The following VAPA variants were observed in gnomAD, a reference collection of about 807,000 sequenced individuals.
The protein encoded by VAPA is vesicle-associated membrane protein-associated protein A.
In VAPA, 6 loss-of-function variants were observed where a neutral mutation model predicts 25.6. The ratio of observed to expected loss-of-function variants is 0.23; its 90% confidence interval spans 0.13 to 0.46. The LOEUF (loss-of-function observed/expected upper bound fraction) is 0.46. Among genes scored for constraint, VAPA ranks in the 20% least tolerant of loss-of-function variants. The pLI is 0.99. For missense variants in VAPA, 244 were observed against 302.1 expected (o/e 0.81, Z 1.43); for synonymous variants, 112 against 106.2 (o/e 1.05, Z -0.34).
Position 9,959,076 on chromosome 18 carries a change from G to A in VAPA, c.*4865G>A, listed in dbSNP as rs940474520. 1.3e-5 allele frequency: 2 copies of A among 152,098 alleles called. No individual in the cohort carries two copies. Among genetic ancestry groups the A allele is most frequent in the African/African-American group, 4.8e-5 (2 of 41,418 alleles). 9.4% of individuals were successfully genotyped at this position (152,098 alleles called of 1,614,324 possible). A position where few individuals can be genotyped will look rare whatever the true frequency, so the allele number is the denominator to read the frequency against. On this transcript the variant is annotated 3_prime_UTR_variant, in exon 6 of 6. Coordinates refer to ENST00000400000, the MANE Select transcript of VAPA (RefSeq NM_194434.3). Reference sequence around the variant, plus strand: ...TGTGAAATACTTATCTCCATCCTATGGAATAGGGGAGACGGGTTTAGACAG... The same window carrying A: ...TGTGAAATACTTATCTCCATCCTATAGAATAGGGGAGACGGGTTTAGACAG...
At chr18:9,943,841 CTTTTTTTTTTTTTTTTTTTTT>C (rs71169911) in intron 4 of VAPA, among the ~76,000 whole-genome samples, 2 of 51,716 alleles carry the variant, frequency 3.9e-5, no homozygotes, top group Non-Finnish European at 7.5e-5. Context: ...ACATATTTCC[CTTTTTTTTTTTTTTTTTTTTT>C]TTTTTTTTTT....
At chr18:9,914,912 G>T (rs1481373094) in intron 1 of VAPA, 2 of 152,562 alleles carry the variant, frequency 1.3e-5, no homozygotes, top group Non-Finnish European at 2.9e-5. Context: ...GGGAGAGCTC[G>T]CTGCAGCCGG....
intron 4 of VAPA, among the ~76,000 whole-genome samples, chr18:9,941,435 A>G (rs1468494473): frequency 6.6e-6 from 1 of 152,188 alleles, no homozygotes; most frequent in South Asian, 2.1e-4. Context: ...TACAAAATAT[A>G]TAAGAAGTTT....
chr18:9,916,206 C>A (rs1306821957), intron 1 of VAPA, among the ~76,000 whole-genome samples: 2 of 152,152 alleles, frequency 1.3e-5, no homozygotes, highest in Non-Finnish European at 2.9e-5. Context: ...GTTTAAAAAA[C>A]AAGCAAAAGC....
In VAPA at chr18:9,958,987, A is replaced by G. The variant is rs1031010672; in HGVS notation, c.*4776A>G. On this transcript the variant is annotated 3_prime_UTR_variant, in exon 6 of 6. Coordinates refer to ENST00000400000, the MANE Select transcript of VAPA (RefSeq NM_194434.3). ...AAGCAAAAGGTGGTTTTCAAGTATAATGTCGTTTTCAACATGCTTATTACT... is the reference window on the plus strand; with the variant it reads ...AAGCAAAAGGTGGTTTTCAAGTATAGTGTCGTTTTCAACATGCTTATTACT... 2 of 152,210 alleles carry G rather than the reference A, an allele frequency of 1.3e-5. No homozygotes were observed. The highest frequency in any genetic ancestry group is 6.5e-5 in the Admixed American group (1 of 15,284). 9.4% of individuals were successfully genotyped at this position (152,210 alleles called of 1,614,324 possible). A position where few individuals can be genotyped will look rare whatever the true frequency, so the allele number is the denominator to read the frequency against.
chr18:9,943,356 A>G (rs539222678), intron 4 of VAPA, among the ~76,000 whole-genome samples: 1 of 152,174 alleles, frequency 6.6e-6, no homozygotes, highest in Admixed American at 6.5e-5. Context: ...AAAAGACTCA[A>G]TATTTTTTCC....
At chr18:9,931,743 T>C in intron 1 of VAPA, 67 bp from the exon 2 acceptor site, 1 of 1,392,556 alleles carries the variant, frequency 7.2e-7, no homozygotes, top group Non-Finnish European at 9.8e-7. Context: ...ATATTTTCAG[T>C]TTTGAATCCT....
chr18:9,945,241 C>G (rs958880154), intron 4 of VAPA, among the ~76,000 whole-genome samples: 11 of 150,382 alleles, frequency 7.3e-5, no homozygotes, highest in African/African-American at 2.7e-4. Flanking sequence ...CTATTCTGTT[C>G]TAAAAAACTT....
intron 2 of VAPA, among the ~76,000 whole-genome samples, chr18:9,932,981 G>A (rs990622867): frequency 6.6e-6 from 1 of 151,974 alleles, no homozygotes; most frequent in Non-Finnish European, 1.5e-5. Flanking sequence ...GGTGGTGGGC[G>A]CCTGTAGTCC....
chr18:9,946,827 A>T (rs78038122), intron 4 of VAPA, among the ~76,000 whole-genome samples: 9,118 of 152,256 alleles, frequency 0.06, 417 homozygotes, highest in African/African-American at 0.12. Flanking sequence ...AGCTGTCCGT[A>T]ACTTCATAAA....
chr18:9,944,895 CTGAGAATA>C, intron 4 of VAPA: 1 of 1,610,578 alleles, frequency 6.2e-7, no homozygotes, highest in Non-Finnish European at 8.5e-7. Context: ...CGGTGAGAAT[CTGAGAATA>C]TGTTTCCCAT....
Position 9,931,761 on chromosome 18 carries a change from T to G in VAPA, c.80-49T>G, listed in dbSNP as rs1023026571. 17 of 1,518,228 alleles carry G rather than the reference T, an allele frequency of 1.1e-5. No homozygotes were observed. In the Admixed American group the frequency reaches 2.1e-4, roughly 19 times the overall value. The allele number at this position is 1,518,228 out of a possible 1,614,324, so 94.0% of individuals were successfully genotyped here. On this transcript the variant is annotated intron_variant, in intron 1 of 5. Coordinates refer to ENST00000400000, the MANE Select transcript of VAPA (RefSeq NM_194434.3). ...TTTTCAGTTTTGAATCCTTCGTTGTTGAGAATCCAATTAAATTTTGTTTTC... is the reference window on the plus strand; with the variant it reads ...TTTTCAGTTTTGAATCCTTCGTTGTGGAGAATCCAATTAAATTTTGTTTTC...
intron 4 of VAPA, among the ~76,000 whole-genome samples, chr18:9,947,262 C>T (rs907621959): frequency 6.6e-6 from 1 of 152,068 alleles, no homozygotes; most frequent in Non-Finnish European, 1.5e-5. Context: ...CATTTATTAC[C>T]AAGTATTCTG....
rs1287719622 is a variant in VAPA at position 9,914,044 on chromosome 18, G to A, written c.-213G>A. On this transcript the variant is annotated 5_prime_UTR_variant, in exon 1 of 6. Coordinates refer to ENST00000400000, the MANE Select transcript of VAPA (RefSeq NM_194434.3). Reference sequence around the variant, plus strand: ...GCTCGCAAGTGCGCGTGGCCGTGGCGGCTGGTGTGGGGTTGAGTCAGTTGT... The same window carrying A: ...GCTCGCAAGTGCGCGTGGCCGTGGCAGCTGGTGTGGGGTTGAGTCAGTTGT... The A allele has an allele frequency of 2.1e-5, 10 of 476,882 alleles. No homozygotes were observed. In the East Asian group the frequency reaches 3.8e-4, roughly 18 times the overall value. The allele number at this position is 476,882 out of a possible 1,614,324, so 29.5% of individuals were successfully genotyped here.
At chr18:9,938,416 G>T (rs10163791) in intron 4 of VAPA, among the ~76,000 whole-genome samples, 2,633 of 152,248 alleles carry the variant, frequency 0.017, 87 homozygotes, top group African/African-American at 0.059. Context: ...GAATGATACG[G>T]CAATGACAGT....
chr18:9,924,566 A>G (rs768250112), intron 1 of VAPA, among the ~76,000 whole-genome samples: 14 of 152,232 alleles, frequency 9.2e-5, no homozygotes, highest in Non-Finnish European at 1.5e-4. Context: ...TGAGCAGTGT[A>G]TGCATCAGAA....
intron 4 of VAPA, among the ~76,000 whole-genome samples, chr18:9,943,895 C>T (rs2069393045): frequency 9.5e-6 from 1 of 105,146 alleles, no homozygotes; most frequent in Non-Finnish European, 1.8e-5. Flanking sequence ...GTGTCTCGCT[C>T]TGTCACCCAG....
chr18:9,919,730 AG>A (rs2069141048), intron 1 of VAPA, among the ~76,000 whole-genome samples: 1 of 152,224 alleles, frequency 6.6e-6, no homozygotes, highest in African/African-American at 2.4e-5. Flanking sequence ...CTGGTTTAGT[AG>A]GTCAAGTTAG....
In VAPA at chr18:9,959,613, A is replaced by G. The variant is rs373709893; in HGVS notation, c.*5402A>G. 1.1e-4 allele frequency: 17 copies of G among 151,652 alleles called. No individual in the cohort carries two copies. Among genetic ancestry groups the G allele is most frequent in the African/African-American group, 4.1e-4 (17 of 41,260 alleles). The allele number at this position is 151,652 out of a possible 1,614,324, so 9.4% of individuals were successfully genotyped here. A position where few individuals can be genotyped will look rare whatever the true frequency, so the allele number is the denominator to read the frequency against. ...GTCTAAATTCTTGATACTGTTTATA[A>G]TTCTACAAAGAACAAAAATTGTTAT... On this transcript the variant is annotated 3_prime_UTR_variant, in exon 6 of 6. Transcript: ENST00000400000.
Sources: gnomAD v4.1 joint callset for allele counts (sites outside exome capture counted in the v4.1 genomes callset) on GRCh38, gnomAD v4.1.1 for gene constraint, MANE v1.5 for transcripts, NCBI Gene and HGNC (gene_info 2026-07-23, HGNC 2026-07-21) for gene names.